TSTD2: variants seen among roughly 807,000 people sequenced by gnomAD.
TSTD2 encodes the protein thiosulfate sulfurtransferase like domain containing 2.
A neutral mutation model predicts 47.9 loss-of-function variants in TSTD2; 37 were observed. The observed-to-expected ratio is 0.77, with a 90% CI of 0.59 to 1.02. The LOEUF (loss-of-function observed/expected upper bound fraction) is 1.02, where lower values mean the gene tolerates loss of function less well. Among genes scored for constraint, TSTD2 ranks in the 50% least tolerant of loss-of-function variants. TSTD2 has a pLI of 0.00. For synonymous variants in TSTD2, 201 were observed against 215.9 expected (o/e 0.93, Z 0.61); for missense variants, 586 against 616.0 (o/e 0.95, Z 0.52).
At position 97,602,552 on chromosome 9, in the gene TSTD2, T is replaced by C; in HGVS notation, c.1468A>G (p.Arg490Gly). Residue 490 changes from arginine to glycine, a missense_variant, in exon 10 of 10, where the codon AGG becomes GGG. Transcript: ENST00000341170. ...TGTCGCACATGCTGCAAGAGTTCCC[T>C]AGGTATGCGTGGCCGTCGGGCTGTG... ...ECTARRPRIP[R>G]ELLQHVRQPV... 1.2e-6 allele frequency: 2 copies of C among 1,614,218 alleles called. No individual in the cohort carries two copies. The highest frequency in any genetic ancestry group is 1.7e-6 in the Non-Finnish European group (2 of 1,180,032).
At position 97,625,894 on chromosome 9, in the gene TSTD2, G is replaced by A; in HGVS notation, c.269C>T (p.Thr90Ile). 6.2e-7 allele frequency: 1 copy of A among 1,614,162 alleles called. No homozygotes were observed. The highest frequency in any genetic ancestry group is 8.5e-7 in the Non-Finnish European group (1 of 1,179,988). The change falls in exon 3 of 10, where the codon ACC (threonine) becomes ATC (isoleucine). Residue 90 changes from threonine (T) to isoleucine (I), a missense_variant. Physicochemically the swap from Thr to Ile is moderately conservative, Grantham distance 89 (BLOSUM62 -1). Transcript: ENST00000341170. ...KCCRQLFTDQ[T>I]SIHRHVATQH... Reference sequence around the variant, plus strand: ...TGTTGCCACATGTCTATGGATGCTGGTTTGGTCTGTGAATAGCTGCCGACA... The same window carrying A: ...TGTTGCCACATGTCTATGGATGCTGATTTGGTCTGTGAATAGCTGCCGACA...
Position 97,601,382 on chromosome 9 carries a change from G to A in TSTD2, c.*1087C>T, listed in dbSNP as rs1587972550. On this transcript the variant is annotated 3_prime_UTR_variant, in exon 10 of 10. Transcript: ENST00000341170. Reference sequence around the variant, plus strand: ...TAAGAATGTGTCATGTATTCCAGGTGCTGATCTAAAAACTGTGGCTCAAAT... The same window carrying A: ...TAAGAATGTGTCATGTATTCCAGGTACTGATCTAAAAACTGTGGCTCAAAT... The A allele has an allele frequency of 9.4e-7, 1 of 1,062,472 alleles. No homozygotes were observed. The highest frequency in any genetic ancestry group is 1.1e-6 in the Non-Finnish European group (1 of 873,314). The allele number at this position is 1,062,472 out of a possible 1,614,324, so 65.8% of individuals were successfully genotyped here.
chr9:97,604,996 C>T, intron 8 of TSTD2, 131 bp from the exon 9 acceptor site: 1 of 1,446,248 alleles, frequency 6.9e-7, no homozygotes, highest in Non-Finnish European at 9.1e-7. Context: ...TCAGGGGCTC[C>T]TGGCTCCCAC....
In TSTD2 at chr9:97,624,482, C is replaced by A. The variant is rs189788994; in HGVS notation, c.482+1199G>T. On this transcript the variant is annotated intron_variant, in intron 3 of 9. Transcript: ENST00000341170. ...ATGAGAGACTCTGAGCTAGTAACAC[C>A]AACTATGCTGCTGTAAGCTGAATTT... Among the ~76,000 whole-genome samples the A allele has an allele frequency of 2.6e-3, 393 of 152,212 alleles. 8 individuals carry two copies. Among genetic ancestry groups the A allele is most frequent in the Admixed American group, 0.023 (357 of 15,292 alleles).
chr9:97,624,851 C>T lies in TSTD2; in HGVS notation c.482+830G>A, dbSNP rs115369322. On this transcript the variant is annotated intron_variant, in intron 3 of 9. Coordinates refer to ENST00000341170, the MANE Select transcript of TSTD2 (RefSeq NM_139246.5). ...TGCAATGCTACATTCCCCAATAAAC[C>T]TAGTAAATGATGCATTTTTCTGGAT... Among the ~76,000 whole-genome samples the T allele has an allele frequency of 2.2e-3, 342 of 152,232 alleles. 1 individual carries two copies. Among genetic ancestry groups the T allele is most frequent in the African/African-American group, 8.0e-3 (332 of 41,534 alleles).
At chr9:97,617,385 C>T (rs934611270) in intron 4 of TSTD2, among the ~76,000 whole-genome samples, 17 of 152,202 alleles carry the variant, frequency 1.1e-4, no homozygotes, top group African/African-American at 3.6e-4. Flanking sequence ...TTCCCTATAC[C>T]AGGGTCGGCA....
At chr9:97,609,395 T>C (rs1424521250) in intron 6 of TSTD2, among the ~76,000 whole-genome samples, 1 of 152,020 alleles carries the variant, frequency 6.6e-6, no homozygotes, top group Non-Finnish European at 1.5e-5. Context: ...TATGGGAAAC[T>C]CTAAAGGTCA....
intron 9 of TSTD2, chr9:97,603,197 T>C (rs1258300321): frequency 1.7e-5 from 3 of 173,730 alleles, no homozygotes; most frequent in Non-Finnish European, 4.1e-5. Context: ...ACAGTGAACA[T>C]GCGCAGTCCA....
intron 1 of TSTD2, among the ~76,000 whole-genome samples, chr9:97,631,475 T>C (rs1422704873): frequency 6.6e-6 from 1 of 152,120 alleles, no homozygotes; most frequent in Non-Finnish European, 1.5e-5. Flanking sequence ...CCATCTTTAC[T>C]ACCACCCTAG....
intron 6 of TSTD2, 104 bp from the exon 7 acceptor site, chr9:97,606,365 C>T: frequency 1.5e-6 from 1 of 651,628 alleles, no homozygotes; most frequent in Middle Eastern, 4.3e-4. Context: ...TTCTTTCCAC[C>T]CAAATCTCTT....
rs1326862513 is a variant in TSTD2, at chr9:97,601,087, G to A, written c.*1382C>T. Reference sequence around the variant, plus strand: ...TACAGGGTAACTGGAGGCGGGGCCAGGGCCTCAGCGCTATGGAAGAGTGTC... The same window carrying A: ...TACAGGGTAACTGGAGGCGGGGCCAAGGCCTCAGCGCTATGGAAGAGTGTC... On this transcript the variant is annotated 3_prime_UTR_variant, in exon 10 of 10. Coordinates refer to ENST00000341170, the MANE Select transcript of TSTD2 (RefSeq NM_139246.5). 1 of 1,304,174 alleles carries A rather than the reference G, an allele frequency of 7.7e-7. No individual in the cohort carries two copies. The highest frequency in any genetic ancestry group is 1.5e-5 in the African/African-American group (1 of 65,882). 80.8% of individuals were successfully genotyped at this position (1,304,174 alleles called of 1,614,324 possible).
chr9:97,606,627 GT>G (rs1826369190), intron 6 of TSTD2, among the ~76,000 whole-genome samples: 5 of 152,196 alleles, frequency 3.3e-5, no homozygotes, highest in Admixed American at 3.3e-4. Context: ...ATGGTCACTG[GT>G]AGGTCAGGAA....
intron 1 of TSTD2, among the ~76,000 whole-genome samples, chr9:97,632,381 CT>C (rs60119431): frequency 0.12 from 17,657 of 147,366 alleles, 2,897 homozygotes; most frequent in African/African-American, 0.36. Context: ...TCGTAGGAGA[CT>C]TTTTTTTTTT....
chr9:97,629,297 A>G (rs1252592546), intron 1 of TSTD2, among the ~76,000 whole-genome samples: 2 of 152,210 alleles, frequency 1.3e-5, no homozygotes, highest in African/African-American at 4.8e-5. Flanking sequence ...ACAATGCTGG[A>G]TAGGACTGAT....
chr9:97,610,369 T>C lies in TSTD2; in HGVS notation c.812A>G (p.Lys271Arg). Residue 271 changes from lysine (K) to arginine (R), a missense_variant, in exon 6 of 10, where the codon AAA (lysine) becomes AGA (arginine). Transcript: ENST00000341170. ...ACCAGGCTTCTTGTAGGAGATCTTT[T>C]TGGGGCTGATCCCCATGGGCACGAT... Reference protein sequence around the residue: ...EEIVPMGISPKKISYKKPGIH... With the variant: ...EEIVPMGISPRKISYKKPGIH... 1 of 1,605,272 alleles carries C rather than the reference T, an allele frequency of 6.2e-7. No individual in the cohort carries two copies. Among genetic ancestry groups the C allele is most frequent in the Non-Finnish European group, 8.5e-7 (1 of 1,176,626 alleles).
chr9:97,618,349 C>A (rs1826578759), intron 3 of TSTD2, among the ~76,000 whole-genome samples: 1 of 152,134 alleles, frequency 6.6e-6, no homozygotes, highest in South Asian at 2.1e-4. Flanking sequence ...AGTCAGACAG[C>A]CAGAAAGTGA....
intron 4 of TSTD2, among the ~76,000 whole-genome samples, chr9:97,614,215 T>C (rs1258887991): frequency 6.6e-6 from 1 of 152,240 alleles, no homozygotes; most frequent in South Asian, 2.1e-4. Context: ...TATATAATTT[T>C]AAACTTTGAA....
At position 97,606,230 on chromosome 9, in the gene TSTD2, T is replaced by C; in HGVS notation, c.867A>G (p.Lys289=). 1 of 1,609,606 alleles carries C rather than the reference T, an allele frequency of 6.2e-7. No homozygotes were observed. The highest frequency in any genetic ancestry group is 8.5e-7 in the Non-Finnish European group (1 of 1,177,766). The stretch of plus-strand genomic sequence containing the variant: ...CCTGAGATAAAAACTTTTCTACTTC[T>C]TTATGAAATTCACCTGGGGATAAAT... ...GIHLSPGEFH[K]EVEKFLSQAN... is the part of the protein sequence containing the mutation. Residue 289 remains lysine (K), a synonymous_variant, in exon 7 of 10, where the codon AAA becomes AAG. Transcript: ENST00000341170.
intron 8 of TSTD2, 50 bp from the exon 9 acceptor site, chr9:97,604,915 T>C: frequency 6.2e-7 from 1 of 1,604,418 alleles, no homozygotes; most frequent in Non-Finnish European, 8.5e-7. Context: ...AGAGACCTGT[T>C]AAGATGCTCA....
Sources: allele counts gnomAD v4.1 joint callset (sites outside exome capture counted in the v4.1 genomes callset), GRCh38; gene constraint gnomAD v4.1.1; transcripts MANE v1.5; gene names NCBI Gene and HGNC (gene_info 2026-07-23, HGNC 2026-07-21).